The following KCNIP4 variants were observed in gnomAD, a reference collection of about 807,000 sequenced individuals.
The protein encoded by KCNIP4 is Kv channel-interacting protein 4.
A neutral mutation model predicts 34.0 loss-of-function variants in KCNIP4; 12 were observed. That is an observed-to-expected ratio of 0.35 (90% CI 0.23 to 0.57). The LOEUF is 0.57. Ranked by LOEUF, KCNIP4 falls within the 20% of genes least tolerant of loss-of-function variation. The pLI is 0.83. For missense variants in KCNIP4, 238 were observed against 311.7 expected (o/e 0.76, Z 1.78); for synonymous variants, 124 against 102.2 (o/e 1.21, Z -1.29).
chr4:21,805,051 C>T (rs1189327475), intron 1 of KCNIP4, among the ~76,000 whole-genome samples: 1 of 152,216 alleles, frequency 6.6e-6, no homozygotes. Flanking sequence ...AGAGTTCACT[C>T]TCATTGCAGA....
intron 1 of KCNIP4, among the ~76,000 whole-genome samples, chr4:21,912,068 A>G (rs1312696601): frequency 6.6e-6 from 1 of 151,956 alleles, no homozygotes; most frequent in Non-Finnish European, 1.5e-5. Context: ...TAACTGCAAC[A>G]TTATTTCTGT....
chr4:20,999,307 G>A (rs12640610), intron 1 of KCNIP4, among the ~76,000 whole-genome samples: 20,967 of 151,688 alleles, frequency 0.14, 1,503 homozygotes, highest in Non-Finnish European at 0.14. Context: ...TGATGAATTA[G>A]ACAGGAATAA....
intron 1 of KCNIP4, among the ~76,000 whole-genome samples, chr4:21,535,928 T>A (rs1737127694): frequency 6.6e-6 from 1 of 152,128 alleles, no homozygotes; most frequent in African/African-American, 2.4e-5. Flanking sequence ...GAAGCAGAAA[T>A]CTGAGTCTCC....
chr4:20,741,636 A>G (rs1392536010), intron 5 of KCNIP4, among the ~76,000 whole-genome samples: 1 of 152,186 alleles, frequency 6.6e-6, no homozygotes, highest in Non-Finnish European at 1.5e-5. Context: ...TAAAATCAAC[A>G]CCCTAACATC....
At chr4:21,462,765 T>TTGTGTGCG (rs1729573432) in intron 1 of KCNIP4, among the ~76,000 whole-genome samples, 1 of 145,672 alleles carries the variant, frequency 6.9e-6, no homozygotes, top group African/African-American at 2.5e-5. Context: ...TAGTATTCCA[T>TTGTGTGCG]TGTGTGTGTG....
chr4:21,892,186 A>T (rs1016870436), intron 1 of KCNIP4, among the ~76,000 whole-genome samples: 1 of 152,170 alleles, frequency 6.6e-6, no homozygotes, highest in Non-Finnish European at 1.5e-5. Context: ...TTGTATATTC[A>T]TGCAAAGAAC....
intron 1 of KCNIP4, among the ~76,000 whole-genome samples, chr4:21,932,317 G>A (rs186691462): frequency 2.3e-3 from 356 of 152,164 alleles, no homozygotes; most frequent in Non-Finnish European, 4.3e-3. Flanking sequence ...TGCAGTGTCT[G>A]ATCCATGAAG....
intron 1 of KCNIP4, among the ~76,000 whole-genome samples, chr4:20,990,227 T>C (rs1175068855): frequency 1.3e-5 from 2 of 152,284 alleles, no homozygotes; most frequent in East Asian, 3.9e-4. Flanking sequence ...CACATTAAAG[T>C]ATATCAAGCC....
intron 1 of KCNIP4, among the ~76,000 whole-genome samples, chr4:21,729,357 G>C (rs1379979507): frequency 6.6e-6 from 1 of 152,138 alleles, no homozygotes; most frequent in Admixed American, 6.6e-5. Context: ...GAATACACCA[G>C]TGACTACTTA....
intron 1 of KCNIP4, among the ~76,000 whole-genome samples, chr4:21,423,173 C>A (rs758110080): frequency 1.3e-5 from 2 of 152,052 alleles, no homozygotes; most frequent in South Asian, 2.1e-4. Context: ...TGCACTCAGA[C>A]GCTATCTTAG....
intron 1 of KCNIP4, among the ~76,000 whole-genome samples, chr4:20,976,074 G>A (rs1040558804): frequency 2.6e-5 from 4 of 152,174 alleles, no homozygotes; most frequent in Non-Finnish European, 4.4e-5. Context: ...TGAGAATCAA[G>A]CTCAGCAGGT....
At chr4:21,142,880 A>G (rs1752073644) in intron 1 of KCNIP4, among the ~76,000 whole-genome samples, 3 of 152,224 alleles carry the variant, frequency 2.0e-5, no homozygotes, top group Admixed American at 2.0e-4. Flanking sequence ...TCTGTGAAGG[A>G]GACCAACTCA....
At chr4:21,566,770 A>G (rs960007936) in intron 1 of KCNIP4, among the ~76,000 whole-genome samples, 4 of 152,128 alleles carry the variant, frequency 2.6e-5, no homozygotes, top group Admixed American at 6.5e-5. Flanking sequence ...GTGGATTGAG[A>G]GATTTACTCC....
chr4:21,392,106 A>G (rs1020191777), intron 1 of KCNIP4, among the ~76,000 whole-genome samples: 4 of 152,218 alleles, frequency 2.6e-5, no homozygotes, highest in Non-Finnish European at 5.9e-5. Flanking sequence ...TGCAGGAGAT[A>G]GACTCTTCTG....
At chr4:20,782,118 AG>A (rs1331978267) in intron 3 of KCNIP4, among the ~76,000 whole-genome samples, 1 of 152,194 alleles carries the variant, frequency 6.6e-6, no homozygotes, top group African/African-American at 2.4e-5. Context: ...TGTCACATCC[AG>A]GTCATGCTGA....
chr4:21,799,821 A>C lies in KCNIP4; in HGVS notation c.61+148750T>G, dbSNP rs1378509654. 2.6e-5 allele frequency among the ~76,000 whole-genome samples: 4 copies of C among 152,150 alleles called. No homozygotes were observed. In the East Asian group the frequency reaches 7.7e-4, roughly 29 times the overall value. ...TTAGTAAAATACACTCCATGGAGTA[A>C]ACTTGACACACTGCTTATATTTGTA... On this transcript the variant is annotated intron_variant, in intron 1 of 8. Transcript: ENST00000382152.
chr4:21,433,349 C>T (rs1269999593), intron 1 of KCNIP4, among the ~76,000 whole-genome samples: 1 of 152,094 alleles, frequency 6.6e-6, no homozygotes, highest in Non-Finnish European at 1.5e-5. Context: ...TGCCTGTAAT[C>T]CCAGAACTTT....
intron 1 of KCNIP4, among the ~76,000 whole-genome samples, chr4:21,194,846 C>G (rs1755942198): frequency 6.6e-6 from 1 of 152,188 alleles, no homozygotes; most frequent in African/African-American, 2.4e-5. Context: ...AAGGAATAAA[C>G]AGCTGTCATG....
intron 1 of KCNIP4, among the ~76,000 whole-genome samples, chr4:21,759,652 T>A (rs1037448253): frequency 2.0e-5 from 3 of 152,154 alleles, no homozygotes; most frequent in Non-Finnish European, 2.9e-5. Flanking sequence ...GGAGACCTAT[T>A]AACCTGGTAT....
Sources: allele counts gnomAD v4.1 joint callset (sites outside exome capture counted in the v4.1 genomes callset), GRCh38; gene constraint gnomAD v4.1.1; transcripts MANE v1.5; gene names NCBI Gene and HGNC (gene_info 2026-07-23, HGNC 2026-07-21).